Variants in SGSM1 observed in about 807,000 individuals in gnomAD.
SGSM1 encodes the protein RUN and TBC1 domain containing 2.
In SGSM1, 73 loss-of-function variants were observed where a neutral mutation model predicts 133.8. That is an observed-to-expected ratio of 0.55 (90% CI 0.45 to 0.66). The LOEUF is 0.66. Ranked by LOEUF, SGSM1 falls within the 30% of genes least tolerant of loss-of-function variation. SGSM1 has a pLI of 0.00. For synonymous variants in SGSM1, 563 were observed against 573.0 expected (o/e 0.98, Z 0.25); for missense variants, 1,213 against 1,448.1 (o/e 0.84, Z 2.64).
At position 24,879,504 on chromosome 22, in the gene SGSM1, C is replaced by T; in HGVS notation, c.1473C>T (p.Ile491=). ...KLLCDNMKYQ[I]LSRAFYGWLA... is the part of the protein sequence containing the mutation. ...TCTGTGACAATATGAAGTACCAGATCCTCTCCAGAGCCTTCTATGGATGTA... is the reference window on the plus strand; with the variant it reads ...TCTGTGACAATATGAAGTACCAGATTCTCTCCAGAGCCTTCTATGGATGTA... Residue 491 remains isoleucine (I), a synonymous_variant, in exon 14 of 25, where the codon ATC becomes ATT. Coordinates refer to ENST00000400358, the MANE Select transcript of SGSM1 (RefSeq NM_001098497.3). 1 of 1,613,800 alleles carries T rather than the reference C, an allele frequency of 6.2e-7. No homozygotes were observed. Among genetic ancestry groups the T allele is most frequent in the Non-Finnish European group, 8.5e-7 (1 of 1,179,844 alleles).
At chr22:24,899,553 C>T (rs1341946410) in intron 19 of SGSM1, among the ~76,000 whole-genome samples, 3 of 146,942 alleles carry the variant, frequency 2.0e-5, no homozygotes, top group South Asian at 2.1e-4. Flanking sequence ...GACAGGGTCT[C>T]GCTCTGTCAC....
chr22:24,840,235 C>T (rs182229796), intron 2 of SGSM1, among the ~76,000 whole-genome samples: 121 of 151,100 alleles, frequency 8.0e-4, no homozygotes, highest in African/African-American at 2.8e-3. Context: ...TGAGCCACCA[C>T]GCCCGGCCTG....
intron 22 of SGSM1, among the ~76,000 whole-genome samples, chr22:24,914,179 G>C (rs1569177971): frequency 6.6e-6 from 1 of 151,466 alleles, no homozygotes; most frequent in East Asian, 1.9e-4. Context: ...TAAAGTCCCA[G>C]CTACTCAGGA....
At chr22:24,859,516 T>C (rs2147859774) in intron 8 of SGSM1, 200 bp from the exon 9 acceptor site, 1 of 690,190 alleles carries the variant, frequency 1.4e-6, no homozygotes, top group South Asian at 1.5e-5. Context: ...TAGAACCCAT[T>C]TGGGAGGCTG....
chr22:24,849,270 G>A (rs1288354730), intron 4 of SGSM1, among the ~76,000 whole-genome samples: 1 of 150,898 alleles, frequency 6.6e-6, no homozygotes, highest in Non-Finnish European at 1.5e-5. Flanking sequence ...AAAATGAGTT[G>A]CGGCCAGGTG....
intron 2 of SGSM1, among the ~76,000 whole-genome samples, chr22:24,842,234 G>A (rs1929847596): frequency 6.6e-6 from 1 of 152,082 alleles, no homozygotes; most frequent in African/African-American, 2.4e-5. Context: ...GAGACCACCT[G>A]GGCTTCATGA....
chr22:24,817,950 G>A (rs1045831152), intron 2 of SGSM1, among the ~76,000 whole-genome samples: 7 of 152,262 alleles, frequency 4.6e-5, no homozygotes, highest in African/African-American at 1.2e-4. Flanking sequence ...CACAAATCCC[G>A]ACGGGGTGCA....
Position 24,806,577 on chromosome 22 carries a change from CG to C in SGSM1, c.63+100del, listed in dbSNP as rs919230523. Reference sequence around the variant, plus strand: ...TTCGTGGAAGGGTGGCCTCTGGCGGCGGGGGGGCGGCCAGAACAGGTGTGGG... The same window carrying C: ...TTCGTGGAAGGGTGGCCTCTGGCGGCGGGGGGCGGCCAGAACAGGTGTGGG... On this transcript the variant is annotated intron_variant, in intron 2 of 24. Coordinates refer to ENST00000400358, the MANE Select transcript of SGSM1 (RefSeq NM_001098497.3). 3.6e-4 allele frequency: 501 copies of C among 1,402,096 alleles called. 3 individuals carry two copies. Among genetic ancestry groups the C allele is most frequent in the South Asian group, 1.0e-3 (73 of 69,542 alleles). The allele number at this position is 1,402,096 out of a possible 1,614,324, so 86.9% of individuals were successfully genotyped here.
chr22:24,829,545 A>T (rs1462532628), intron 2 of SGSM1, among the ~76,000 whole-genome samples: 1 of 152,218 alleles, frequency 6.6e-6, no homozygotes, highest in African/African-American at 2.4e-5. Flanking sequence ...CTTTAAAAGC[A>T]CATGTTCAAG....
chr22:24,888,650 G>A (rs1469902905), intron 16 of SGSM1, among the ~76,000 whole-genome samples: 1 of 151,990 alleles, frequency 6.6e-6, no homozygotes, highest in African/African-American at 2.4e-5. Context: ...ATGGTGGCGG[G>A]CGCCTGTAGT....
intron 18 of SGSM1, among the ~76,000 whole-genome samples, chr22:24,895,509 CAA>C (rs1932894368): frequency 6.6e-6 from 1 of 152,164 alleles, no homozygotes; most frequent in Admixed American, 6.5e-5. Flanking sequence ...TAGAGAAAGT[CAA>C]AGTCTGCTTT....
intron 16 of SGSM1, among the ~76,000 whole-genome samples, chr22:24,890,189 C>T (rs1263870121): frequency 6.6e-6 from 1 of 152,160 alleles, no homozygotes; most frequent in Admixed American, 6.5e-5. Context: ...ATCTCCTGAC[C>T]TTGTGATCCG....
intron 21 of SGSM1, 57 bp from the exon 22 acceptor site, chr22:24,912,586 T>C: frequency 1.7e-6 from 2 of 1,177,706 alleles, no homozygotes; most frequent in Admixed American, 3.9e-5. Flanking sequence ...AGGACAAACA[T>C]CTGAACCATA....
At chr22:24,820,280 G>A (rs1928388528) in intron 2 of SGSM1, among the ~76,000 whole-genome samples, 1 of 152,062 alleles carries the variant, frequency 6.6e-6, no homozygotes, top group African/African-American at 2.4e-5. Context: ...GAGGAACCTG[G>A]GCAGGGTGAT....
intron 20 of SGSM1, among the ~76,000 whole-genome samples, chr22:24,902,636 A>G (rs1158231378): frequency 6.6e-6 from 1 of 152,194 alleles, no homozygotes; most frequent in African/African-American, 2.4e-5. Flanking sequence ...GTAGTGAGCT[A>G]TGATTACACC....
intron 19 of SGSM1, among the ~76,000 whole-genome samples, chr22:24,900,694 G>A (rs113700154): frequency 2.1e-3 from 326 of 152,260 alleles, no homozygotes; most frequent in Middle Eastern, 6.8e-3. Context: ...ACGGCGCCCC[G>A]CCTTATTTCT....
At chr22:24,920,563 C>T (rs535136683) in intron 24 of SGSM1, among the ~76,000 whole-genome samples, 12 of 152,134 alleles carry the variant, frequency 7.9e-5, no homozygotes, top group Non-Finnish European at 1.8e-4. Context: ...CAGGAGACAA[C>T]ATGGTTAAAT....
At chr22:24,871,316 C>T (rs542544601) in intron 12 of SGSM1, among the ~76,000 whole-genome samples, 10 of 152,120 alleles carry the variant, frequency 6.6e-5, no homozygotes, top group East Asian at 1.9e-4. Flanking sequence ...ACCTGTCCTC[C>T]GCAGGCCTCA....
chr22:24,865,177 C>A (rs1244136315), intron 9 of SGSM1, among the ~76,000 whole-genome samples: 1 of 152,196 alleles, frequency 6.6e-6, no homozygotes, highest in Non-Finnish European at 1.5e-5. Context: ...GCTCAGCATT[C>A]ACTATGCACT....
Sources: gnomAD v4.1 joint callset for allele counts (sites outside exome capture counted in the v4.1 genomes callset) on GRCh38, gnomAD v4.1.1 for gene constraint, MANE v1.5 for transcripts, NCBI Gene and HGNC (gene_info 2026-07-23, HGNC 2026-07-21) for gene names.